ADD3: variants seen among roughly 807,000 people sequenced by gnomAD.
ADD3 encodes adducin 3.
In ADD3, 25 loss-of-function variants were observed where a neutral mutation model predicts 80.2. The observed-to-expected ratio is 0.31, with a 90% CI of 0.23 to 0.44. The LOEUF is 0.44. ADD3 is among the 20% of genes least tolerant of loss of function. ADD3 has a pLI of 1.00. For missense variants in ADD3, 829 were observed against 847.5 expected (o/e 0.98, Z 0.27); for synonymous variants, 284 against 289.6 (o/e 0.98, Z 0.20).
At position 110,133,450 on chromosome 10, in the gene ADD3, A is replaced by C. The variant is rs1853316493; in HGVS notation, c.1953A>C (p.Thr651=). ...ELAKRVSRLS[T]STTIENIEIT... is the part of the protein sequence containing the mutation. ...CTAAGCGAGTGAGTAGGTTAAGCACAAGTACAACCATAGAAAACATCGAGA... is the reference window on the plus strand; with the variant it reads ...CTAAGCGAGTGAGTAGGTTAAGCACCAGTACAACCATAGAAAACATCGAGA... The change falls in exon 15 of 15, where the codon ACA becomes ACC. Residue 651 remains threonine, a synonymous_variant. Coordinates refer to ENST00000356080, the MANE Select transcript of ADD3 (RefSeq NM_016824.5). 1 of 1,613,824 alleles carries C rather than the reference A, an allele frequency of 6.2e-7. No individual in the cohort carries two copies. The highest frequency in any genetic ancestry group is 8.5e-7 in the Non-Finnish European group (1 of 1,179,856).
In ADD3 at chr10:110,132,087, C is replaced by T. The variant is rs532426030; in HGVS notation, c.1733-218C>T. On this transcript the variant is annotated intron_variant, in intron 13 of 14. Coordinates refer to ENST00000356080, the MANE Select transcript of ADD3 (RefSeq NM_016824.5). ...AGCTGTGCATCTTTTGTAACCTGTACGTAAAATAACCATTAGCAGCCAGAA... is the reference window on the plus strand; with the variant it reads ...AGCTGTGCATCTTTTGTAACCTGTATGTAAAATAACCATTAGCAGCCAGAA... Among the ~76,000 whole-genome samples, 11 of 152,278 alleles carry T rather than the reference C, an allele frequency of 7.2e-5. No homozygotes were observed. In the South Asian group the frequency reaches 1.0e-3, roughly 14 times the overall value.
intron 1 of ADD3, among the ~76,000 whole-genome samples, chr10:110,075,206 G>T (rs1401353592): frequency 1.3e-5 from 2 of 152,198 alleles, no homozygotes; most frequent in Non-Finnish European, 1.5e-5. Flanking sequence ...CAGTAAATCA[G>T]AGTGTCTATT....
chr10:110,079,843 CTTCA>C (rs1845868773), intron 1 of ADD3, among the ~76,000 whole-genome samples: 1 of 152,118 alleles, frequency 6.6e-6, no homozygotes, highest in South Asian at 2.1e-4. Context: ...ACCCAGCCTA[CTTCA>C]TTCTTTTTAA....
rs1013672870 is a variant in ADD3 at position 110,011,664 on chromosome 10, G to A, written c.-30+3365G>A. Among the ~76,000 whole-genome samples the A allele has an allele frequency of 8.7e-4, 132 of 152,098 alleles. 2 individuals carry two copies. Among genetic ancestry groups the A allele is most frequent in the Non-Finnish European group, 3.4e-4 (23 of 67,978 alleles). On this transcript the variant is annotated intron_variant, in intron 1 of 14. Transcript: ENST00000356080. The stretch of plus-strand genomic sequence containing the variant: ...TTAAAAAAACTTTAAATATCTAATC[G>A]AGTGCTATTCTTCCTTTTAAACGTA...
intron 1 of ADD3, among the ~76,000 whole-genome samples, chr10:110,026,423 G>A (rs994884837): frequency 1.3e-5 from 2 of 151,896 alleles, no homozygotes; most frequent in African/African-American, 4.8e-5. Flanking sequence ...TGGGATTACA[G>A]GCACGTGCCA....
intron 1 of ADD3, among the ~76,000 whole-genome samples, chr10:110,028,095 A>G (rs55971328): frequency 0.011 from 1,619 of 152,270 alleles, 32 homozygotes; most frequent in African/African-American, 0.038. Context: ...TCAAGTTGCT[A>G]TGAGGGTTAT....
intron 1 of ADD3, among the ~76,000 whole-genome samples, chr10:110,096,469 AAAC>A: frequency 6.6e-6 from 1 of 152,350 alleles, no homozygotes; most frequent in East Asian, 1.9e-4. Context: ...TGAAAAACAG[AAAC>A]AACAACAAAA....
At chr10:110,070,951 TTTTG>T (rs1300274123) in intron 1 of ADD3, among the ~76,000 whole-genome samples, 7 of 133,818 alleles carry the variant, frequency 5.2e-5, no homozygotes, top group Admixed American at 1.5e-4. Context: ...GGGTTTTTTT[TTTTG>T]TTTGTTTTTA....
intron 1 of ADD3, among the ~76,000 whole-genome samples, chr10:110,082,246 A>G (rs74942204): frequency 6.6e-6 from 1 of 151,540 alleles, no homozygotes; most frequent in East Asian, 1.9e-4. Flanking sequence ...CTAAAAAAAA[A>G]CTTTGGCTGA....
At chr10:110,101,598 C>G (rs1848815498) in intron 2 of ADD3, among the ~76,000 whole-genome samples, 1 of 150,200 alleles carries the variant, frequency 6.7e-6, no homozygotes. Flanking sequence ...GATCATGCCA[C>G]TGCATTCCAG....
chr10:110,029,085 G>A (rs1296134810), intron 1 of ADD3, among the ~76,000 whole-genome samples: 1 of 152,140 alleles, frequency 6.6e-6, no homozygotes, highest in Non-Finnish European at 1.5e-5. Context: ...CTCCATGTTG[G>A]TCAGGCTAGT....
intron 2 of ADD3, among the ~76,000 whole-genome samples, chr10:110,102,941 G>A (rs1467992388): frequency 6.6e-6 from 1 of 152,194 alleles, no homozygotes; most frequent in Admixed American, 6.5e-5. Flanking sequence ...GGAACTTAGT[G>A]AAATAATGTG....
upstream of ADD3, chr10:110,005,952 C>T: frequency 5.0e-6 from 1 of 199,572 alleles, no homozygotes; most frequent in Non-Finnish European, 1.1e-5. Flanking sequence ...AAGTCAAACA[C>T]TTACTACTCA....
At chr10:110,054,614 CTT>C (rs1217850834) in intron 1 of ADD3, among the ~76,000 whole-genome samples, 42 of 120,980 alleles carry the variant, frequency 3.5e-4, no homozygotes, top group Non-Finnish European at 3.6e-4. Context: ...GGCAAAATTT[CTT>C]TTTTTTTTTT....
At chr10:110,104,536 A>C (rs1411775842) in intron 2 of ADD3, among the ~76,000 whole-genome samples, 1 of 152,186 alleles carries the variant, frequency 6.6e-6, no homozygotes, top group Non-Finnish European at 1.5e-5. Context: ...GTCTCCTGTA[A>C]ATATTGGGAT....
intron 1 of ADD3, among the ~76,000 whole-genome samples, chr10:110,015,445 G>A (rs1021545593): frequency 3.4e-5 from 5 of 148,554 alleles, no homozygotes; most frequent in African/African-American, 7.5e-5. Flanking sequence ...GCCTGATCTC[G>A]GCTCACTGCA....
intron 1 of ADD3, among the ~76,000 whole-genome samples, chr10:110,015,853 C>T (rs1852924806): frequency 6.6e-6 from 1 of 152,138 alleles, no homozygotes; most frequent in Non-Finnish European, 1.5e-5. Context: ...AGGGTCCGGT[C>T]ACTAGCCACA....
At chr10:110,097,931 C>T (rs149033225) in intron 1 of ADD3, among the ~76,000 whole-genome samples, 2,583 of 152,116 alleles carry the variant, frequency 0.017, 70 homozygotes, top group African/African-American at 0.055. Context: ...CCTGCCACCA[C>T]GCCTGGCTAA....
At chr10:110,040,336 G>A (rs1589832645) in intron 1 of ADD3, among the ~76,000 whole-genome samples, 1 of 152,128 alleles carries the variant, frequency 6.6e-6, no homozygotes, top group East Asian at 1.9e-4. Context: ...CCTTTGCCAA[G>A]ACTGGAAGGT....
Sources: gnomAD v4.1 joint callset for allele counts (sites outside exome capture counted in the v4.1 genomes callset) on GRCh38, gnomAD v4.1.1 for gene constraint, MANE v1.5 for transcripts, NCBI Gene and HGNC (gene_info 2026-07-23, HGNC 2026-07-21) for gene names.